TENM2: variants seen among roughly 807,000 people sequenced by gnomAD.
TENM2 encodes teneurin transmembrane protein 2.
Under a neutral mutation model 245.2 loss-of-function variants are expected in TENM2, and 52 were observed. That is an observed-to-expected ratio of 0.21 (90% confidence interval 0.17 to 0.27). TENM2 has a LOEUF of 0.27. Among genes scored for constraint, TENM2 ranks in the 10% least tolerant of loss-of-function variants. TENM2 has a pLI of 1.00. For synonymous variants in TENM2, 1,363 were observed against 1,438.9 expected (o/e 0.95, Z 1.19); for missense variants, 3,046 against 3,666.8 (o/e 0.83, Z 4.37).
chr5:167,476,116 G>A (rs929669475), intron 2 of TENM2, among the ~76,000 whole-genome samples: 3 of 152,172 alleles, frequency 2.0e-5, no homozygotes, highest in African/African-American at 7.2e-5. Flanking sequence ...AGAAAATCCA[G>A]CTTCATACAG....
At chr5:168,062,499 C>T (rs1201928874) in intron 7 of TENM2, among the ~76,000 whole-genome samples, 2 of 152,060 alleles carry the variant, frequency 1.3e-5, no homozygotes, top group African/African-American at 4.8e-5. Flanking sequence ...TGTAGACTTA[C>T]CATGTGATTG....
At chr5:167,779,212 G>A (rs544309090) in intron 2 of TENM2, among the ~76,000 whole-genome samples, 1 of 152,264 alleles carries the variant, frequency 6.6e-6, no homozygotes, top group African/African-American at 2.4e-5. Flanking sequence ...TTGTAAGTAG[G>A]GACTAATGTG....
At chr5:167,936,246 A>G (rs1778704373) in intron 3 of TENM2, among the ~76,000 whole-genome samples, 1 of 152,240 alleles carries the variant, frequency 6.6e-6, no homozygotes, top group African/African-American at 2.4e-5. Context: ...GCTGAGTGTC[A>G]GTAGAGAAGC....
At chr5:167,907,232 C>CAAATAAATACAT (rs1554142351) in intron 3 of TENM2, among the ~76,000 whole-genome samples, 1 of 148,036 alleles carries the variant, frequency 6.8e-6, no homozygotes, top group African/African-American at 2.5e-5. Context: ...AACTCCGTCT[C>CAAATAAATACAT]AAATAAATAA....
chr5:167,066,158 A>G, the TENM2 span, among the ~76,000 whole-genome samples: 1 of 152,184 alleles, frequency 6.6e-6, no homozygotes, highest in African/African-American at 2.4e-5. Context: ...TTTGAGGGAT[A>G]TTGTGGGTGA....
upstream of TENM2, among the ~76,000 whole-genome samples, chr5:167,283,538 C>G (rs1328686340): frequency 2.6e-5 from 4 of 152,214 alleles, no homozygotes; most frequent in Non-Finnish European, 5.9e-5. Flanking sequence ...CTGTGCATAG[C>G]TATCTTATTA....
At chr5:167,180,061 C>A in the TENM2 span, among the ~76,000 whole-genome samples, 1 of 151,412 alleles carries the variant, frequency 6.6e-6, no homozygotes, top group African/African-American at 2.4e-5. Flanking sequence ...TGTGTCCTCC[C>A]ACCTTCCGTT....
intron 2 of TENM2, among the ~76,000 whole-genome samples, chr5:167,829,048 T>C (rs1398251895): frequency 6.6e-6 from 1 of 152,236 alleles, no homozygotes; most frequent in Non-Finnish European, 1.5e-5. Context: ...CTCTTGCTGC[T>C]ACTGAGAGTG....
intron 2 of TENM2, among the ~76,000 whole-genome samples, chr5:167,618,895 C>T (rs1446833351): frequency 6.6e-6 from 1 of 152,076 alleles, no homozygotes; most frequent in Admixed American, 6.6e-5. Flanking sequence ...TAAAAATTTA[C>T]CTAGTTAGGG....
At chr5:167,250,542 C>T in the TENM2 span, among the ~76,000 whole-genome samples, 6 of 151,960 alleles carry the variant, frequency 3.9e-5, no homozygotes, top group Non-Finnish European at 8.8e-5. Flanking sequence ...GTATTGCACA[C>T]CACTGACATA....
chr5:167,301,759 G>A (rs1755339436), intron 1 of TENM2, among the ~76,000 whole-genome samples: 1 of 152,118 alleles, frequency 6.6e-6, no homozygotes. Context: ...TATCTGATTT[G>A]GGATAAGGAA....
chr5:168,070,813 GAGAGAGAA>G (rs762372247), intron 7 of TENM2, among the ~76,000 whole-genome samples: 102 of 133,518 alleles, frequency 7.6e-4, no homozygotes, highest in Non-Finnish European at 5.7e-4. Flanking sequence ...GAGAGAGAGA[GAGAGAGAA>G]AAAAAGAAAG....
intron 6 of TENM2, among the ~76,000 whole-genome samples, chr5:168,058,378 CT>C (rs966508991): frequency 7.2e-5 from 11 of 152,168 alleles, no homozygotes; most frequent in African/African-American, 2.7e-4. Flanking sequence ...TCTGCCTGAC[CT>C]CAGGGAGCAC....
chr5:167,170,382 G>A, the TENM2 span, among the ~76,000 whole-genome samples: 1 of 152,180 alleles, frequency 6.6e-6, no homozygotes, highest in Non-Finnish European at 1.5e-5. Context: ...GTGTATGTGT[G>A]TGTGAAGTTC....
At chr5:168,126,629 C>A in intron 11 of TENM2, 125 bp from the exon 14 acceptor site, 1 of 695,992 alleles carries the variant, frequency 1.4e-6, no homozygotes, top group South Asian at 2.0e-5. Flanking sequence ...GACAAGCCTC[C>A]AAAGATGACA....
At chr5:168,106,314 C>T (rs1794236196) in intron 9 of TENM2, among the ~76,000 whole-genome samples, 1 of 150,976 alleles carries the variant, frequency 6.6e-6, no homozygotes, top group African/African-American at 2.5e-5. Flanking sequence ...CACCAAATTC[C>T]TCATGGCTAC....
chr5:168,018,870 C>A (rs1228798086), intron 5 of TENM2, among the ~76,000 whole-genome samples: 4 of 152,148 alleles, frequency 2.6e-5, no homozygotes, highest in African/African-American at 9.7e-5. Context: ...CCGAGGAGAT[C>A]TCCATCACAC....
At chr5:167,026,557 C>T in the TENM2 span, among the ~76,000 whole-genome samples, 1 of 152,188 alleles carries the variant, frequency 6.6e-6, no homozygotes, top group African/African-American at 2.4e-5. Flanking sequence ...GAATCCACCA[C>T]TTCTGATCCG....
chr5:168,008,334 A>C (rs995807291), intron 5 of TENM2, among the ~76,000 whole-genome samples: 4 of 152,230 alleles, frequency 2.6e-5, no homozygotes, highest in Non-Finnish European at 4.4e-5. Context: ...GCAAGACCAG[A>C]TGATAGATGG....
Sources: allele counts gnomAD v4.1 joint callset (sites outside exome capture counted in the v4.1 genomes callset), GRCh38; gene constraint gnomAD v4.1.1; transcripts MANE v1.5; gene names NCBI Gene and HGNC (gene_info 2026-07-23, HGNC 2026-07-21).